The following TMEM163 variants were observed in gnomAD, a reference collection of about 807,000 sequenced individuals.
TMEM163 encodes the protein transmembrane protein 163.
Under a neutral mutation model 29.3 loss-of-function variants are expected in TMEM163, and 17 were observed. The observed-to-expected ratio is 0.58, with a 90% CI of 0.40 to 0.87. The LOEUF (loss-of-function observed/expected upper bound fraction) is 0.87, where lower values mean the gene tolerates loss of function less well. Ranked by LOEUF, TMEM163 falls within the 40% of genes least tolerant of loss-of-function variation. The pLI, the probability that TMEM163 is intolerant of heterozygous loss-of-function variation, is 0.00. For missense variants in TMEM163, 303 were observed against 381.5 expected (o/e 0.79, Z 1.71); for synonymous variants, 157 against 160.6 (o/e 0.98, Z 0.17).
At chr2:134,496,751 A>G (rs980769075) in intron 5 of TMEM163, among the ~76,000 whole-genome samples, 10 of 152,222 alleles carry the variant, frequency 6.6e-5, no homozygotes, top group African/African-American at 2.4e-4. Context: ...TAAGACAGAG[A>G]AAACAAAATT....
chr2:134,531,279 T>C (rs1446353490), intron 4 of TMEM163, among the ~76,000 whole-genome samples: 1 of 152,188 alleles, frequency 6.6e-6, no homozygotes, highest in Non-Finnish European at 1.5e-5. Context: ...CTCTTGTCAC[T>C]CAACAGCAAC....
chr2:134,644,578 T>C (rs1683293662), intron 2 of TMEM163, among the ~76,000 whole-genome samples: 1 of 152,184 alleles, frequency 6.6e-6, no homozygotes, highest in African/African-American at 2.4e-5. Context: ...ATACACATCA[T>C]AATTAGTTGC....
At chr2:134,581,668 AAAC>A (rs1192333586) in intron 2 of TMEM163, among the ~76,000 whole-genome samples, 1 of 152,188 alleles carries the variant, frequency 6.6e-6, no homozygotes, top group Non-Finnish European at 1.5e-5. Flanking sequence ...GTTGATGAGA[AAAC>A]AAGTTCAAAA....
chr2:134,565,324 G>A (rs1310679170), intron 2 of TMEM163, among the ~76,000 whole-genome samples: 2 of 151,918 alleles, frequency 1.3e-5, no homozygotes, highest in Non-Finnish European at 2.9e-5. Flanking sequence ...ACATACTTAT[G>A]GCTGGGTGCA....
chr2:134,572,203 T>C (rs1681446281), intron 2 of TMEM163, among the ~76,000 whole-genome samples: 1 of 152,070 alleles, frequency 6.6e-6, no homozygotes, highest in Admixed American at 6.5e-5. Flanking sequence ...AGCACCCAGG[T>C]CTCCAGGATT....
At chr2:134,685,933 T>C (rs1267637288) in intron 2 of TMEM163, among the ~76,000 whole-genome samples, 2 of 152,320 alleles carry the variant, frequency 1.3e-5, no homozygotes, top group Middle Eastern at 3.4e-3. Context: ...TATTCACTCA[T>C]GTCACACACA....
intron 2 of TMEM163, among the ~76,000 whole-genome samples, chr2:134,706,076 C>G (rs375728860): frequency 7.8e-4 from 119 of 152,338 alleles, no homozygotes; most frequent in Non-Finnish European, 1.0e-3. Context: ...ACCCCTCCCC[C>G]ACTCCTGGCT....
At chr2:134,494,568 C>T (rs764900217) in intron 5 of TMEM163, among the ~76,000 whole-genome samples, 4 of 152,024 alleles carry the variant, frequency 2.6e-5, no homozygotes, top group Non-Finnish European at 5.9e-5. Flanking sequence ...GCTTAATCTT[C>T]TAGAACCAGA....
intron 2 of TMEM163, among the ~76,000 whole-genome samples, chr2:134,647,109 T>G (rs1683351545): frequency 1.3e-5 from 2 of 152,188 alleles, no homozygotes; most frequent in Admixed American, 6.5e-5. Context: ...GCCAAGTCAT[T>G]CAATCTCTGC....
chr2:134,702,163 A>G (rs990924696), intron 2 of TMEM163, among the ~76,000 whole-genome samples: 8 of 152,170 alleles, frequency 5.3e-5, no homozygotes, highest in African/African-American at 1.9e-4. Flanking sequence ...GGAGCTCAGA[A>G]CAGCCTTTTA....
intron 4 of TMEM163, among the ~76,000 whole-genome samples, chr2:134,541,861 T>C (rs1680679830): frequency 6.6e-6 from 1 of 152,102 alleles, no homozygotes; most frequent in Admixed American, 6.5e-5. Context: ...GAAGTCCCCA[T>C]AACAAGTGAG....
At chr2:134,681,979 C>G (rs576872583) in intron 2 of TMEM163, among the ~76,000 whole-genome samples, 2 of 152,294 alleles carry the variant, frequency 1.3e-5, no homozygotes, top group South Asian at 4.1e-4. Context: ...CTTACTACAG[C>G]AAACACGCAA....
intron 7 of TMEM163, among the ~76,000 whole-genome samples, chr2:134,457,530 G>C (rs1275897032): frequency 6.6e-6 from 1 of 152,236 alleles, no homozygotes; most frequent in East Asian, 1.9e-4. Context: ...GCCAGCTCCA[G>C]CCTGGGTGCT....
intron 2 of TMEM163, among the ~76,000 whole-genome samples, chr2:134,688,138 A>G (rs1032084257): frequency 2.6e-5 from 4 of 152,180 alleles, no homozygotes; most frequent in Non-Finnish European, 5.9e-5. Context: ...GTCATCTCCA[A>G]TGCGAAGGAA....
At chr2:134,662,713 C>T (rs943164897) in intron 2 of TMEM163, among the ~76,000 whole-genome samples, 2 of 152,204 alleles carry the variant, frequency 1.3e-5, no homozygotes, top group African/African-American at 4.8e-5. Flanking sequence ...ACCTGAAATC[C>T]ACCAGTGCTC....
chr2:134,489,154 TA>T (rs1460948321), intron 5 of TMEM163, among the ~76,000 whole-genome samples: 1 of 152,134 alleles, frequency 6.6e-6, no homozygotes, highest in African/African-American at 2.4e-5. Flanking sequence ...AACAACACTG[TA>T]ATAATAAAAA....
intron 4 of TMEM163, among the ~76,000 whole-genome samples, chr2:134,547,462 A>C (rs926973365): frequency 5.3e-5 from 8 of 152,204 alleles, no homozygotes; most frequent in African/African-American, 1.9e-4. Context: ...GAATTAGCTA[A>C]GGGCCAGTTG....
At chr2:134,637,898 C>T (rs1683140528) in intron 2 of TMEM163, among the ~76,000 whole-genome samples, 1 of 152,226 alleles carries the variant, frequency 6.6e-6, no homozygotes, top group South Asian at 2.1e-4. Context: ...AGGAACTCAG[C>T]TCTTGCTTAT....
intron 3 of TMEM163, among the ~76,000 whole-genome samples, chr2:134,551,704 G>A (rs564099184): frequency 6.6e-5 from 10 of 152,248 alleles, no homozygotes; most frequent in East Asian, 3.9e-4. Context: ...ATCTTCACTC[G>A]CAGCACATCT....
Sources: allele counts gnomAD v4.1 joint callset (sites outside exome capture counted in the v4.1 genomes callset), GRCh38; gene constraint gnomAD v4.1.1; transcripts MANE v1.5; gene names NCBI Gene and HGNC (gene_info 2026-07-23, HGNC 2026-07-21).